Variants in BMAL1 observed in about 807,000 individuals in gnomAD.
The protein encoded by BMAL1 is basic helix-loop-helix ARNT like 1.
chr11:13,386,974 G>C, the BMAL1 span: 1 of 457,176 alleles, frequency 2.2e-6, no homozygotes, highest in South Asian at 5.5e-5. Context: ...ATTGATTATT[G>C]GGCTAGCTGT....
the BMAL1 span, among the ~76,000 whole-genome samples, chr11:13,357,828 C>T: frequency 5.3e-5 from 8 of 152,232 alleles, no homozygotes; most frequent in Non-Finnish European, 1.2e-4. This position sits in a 1 kb window ranked among gnomAD's most constrained non-coding sequence, Gnocchi z 4.8. Flanking sequence ...CAGTCAGTGT[C>T]ACCCTGCCTC....
the BMAL1 span, chr11:13,354,193 C>G: frequency 9.5e-6 from 6 of 630,660 alleles, no homozygotes; most frequent in Non-Finnish European, 1.5e-5. Flanking sequence ...CCGGGTCTCC[C>G]CCCCCGGCCC....
the BMAL1 span, among the ~76,000 whole-genome samples, chr11:13,370,724 C>A: frequency 6.6e-6 from 1 of 152,212 alleles, no homozygotes; most frequent in Non-Finnish European, 1.5e-5. Flanking sequence ...CTCCCCACCC[C>A]CAACACAGCA....
At chr11:13,300,957 G>C in the BMAL1 span, among the ~76,000 whole-genome samples, 1 of 152,158 alleles carries the variant, frequency 6.6e-6, no homozygotes, top group African/African-American at 2.4e-5. Flanking sequence ...TTATTGTTTT[G>C]AGATGGAGTC....
At chr11:13,372,495 C>T in the BMAL1 span, 2 of 1,546,296 alleles carry the variant, frequency 1.3e-6, no homozygotes, top group East Asian at 4.5e-5. Context: ...GGGCCATCAG[C>T]TGGCTTTTCT....
At chr11:13,329,104 G>T in the BMAL1 span, among the ~76,000 whole-genome samples, 3 of 152,142 alleles carry the variant, frequency 2.0e-5, no homozygotes, top group African/African-American at 7.2e-5. Context: ...CGCTCTCATG[G>T]TGCTCACATT....
chr11:13,376,809 G>A, the BMAL1 span: 1 of 1,339,356 alleles, frequency 7.5e-7, no homozygotes, highest in Non-Finnish European at 1.0e-6. Flanking sequence ...AAGTATTCAG[G>A]GTCCCCTCCA....
At chr11:13,277,564 C>T in the BMAL1 span, 1 of 151,972 alleles carries the variant, frequency 6.6e-6, no homozygotes, top group South Asian at 2.1e-4. Flanking sequence ...CCTCTCTAGC[C>T]GCCACACAAC....
the BMAL1 span, among the ~76,000 whole-genome samples, chr11:13,298,871 T>G: frequency 2.0e-5 from 3 of 152,254 alleles, no homozygotes; most frequent in African/African-American, 7.2e-5. Context: ...CTTCTCTGTC[T>G]GCTCGGCATT....
chr11:13,301,262 T>C, the BMAL1 span, among the ~76,000 whole-genome samples: 3 of 152,242 alleles, frequency 2.0e-5, no homozygotes, highest in Non-Finnish European at 4.4e-5. Flanking sequence ...TTTCAGTCTC[T>C]GGTGGCTTAT....
At chr11:13,363,301 A>T in the BMAL1 span, among the ~76,000 whole-genome samples, 2 of 152,040 alleles carry the variant, frequency 1.3e-5, no homozygotes, top group Non-Finnish European at 2.9e-5. Flanking sequence ...TCAGATACCC[A>T]TACTTACCAG....
At chr11:13,344,666 G>T in the BMAL1 span, among the ~76,000 whole-genome samples, 1 of 152,198 alleles carries the variant, frequency 6.6e-6, no homozygotes. Flanking sequence ...GCAAAGCAAG[G>T]CTCGCCACAG....
At chr11:13,328,523 C>T in the BMAL1 span, among the ~76,000 whole-genome samples, 2 of 152,122 alleles carry the variant, frequency 1.3e-5, no homozygotes, top group African/African-American at 4.8e-5. Flanking sequence ...GCCGATGGCC[C>T]CTCCACTCCC....
chr11:13,290,810 C>T, the BMAL1 span, among the ~76,000 whole-genome samples: 2 of 151,892 alleles, frequency 1.3e-5, no homozygotes, highest in African/African-American at 2.4e-5. Flanking sequence ...GTCCAGTGCC[C>T]AGCTGCATAA....
At chr11:13,346,813 A>T in the BMAL1 span, among the ~76,000 whole-genome samples, 3 of 152,192 alleles carry the variant, frequency 2.0e-5, no homozygotes, top group African/African-American at 7.2e-5. Context: ...ACCACAGGCT[A>T]GGCTCTCCCC....
chr11:13,373,945 A>C, the BMAL1 span: 1 of 631,392 alleles, frequency 1.6e-6, no homozygotes, highest in South Asian at 2.0e-5. Context: ...AAAGATCCAC[A>C]CAGTGAGCCC....
the BMAL1 span, among the ~76,000 whole-genome samples, chr11:13,294,877 T>C: frequency 6.6e-6 from 1 of 152,218 alleles, no homozygotes; most frequent in Non-Finnish European, 1.5e-5. Context: ...GTTCACAATA[T>C]TGTTGATTTG....
chr11:13,349,687 A>T, the BMAL1 span, among the ~76,000 whole-genome samples: 1 of 152,178 alleles, frequency 6.6e-6, no homozygotes, highest in Non-Finnish European at 1.5e-5. Context: ...CTTTGAAGGC[A>T]TTGTTTTTCA....
the BMAL1 span, among the ~76,000 whole-genome samples, chr11:13,336,568 G>A: frequency 6.6e-6 from 1 of 152,144 alleles, no homozygotes; most frequent in African/African-American, 2.4e-5. Flanking sequence ...GCCTCTACCT[G>A]TCCTGAAACC....
Sources: gnomAD v4.1 joint callset for allele counts (sites outside exome capture counted in the v4.1 genomes callset) on GRCh38, gnomAD v4.1.1 for gene constraint, Gnocchi (gnomAD v3.1) non-coding constraint, MANE v1.5 for transcripts, NCBI Gene and HGNC (gene_info 2026-07-23, HGNC 2026-07-21) for gene names.